TRPM6: variants seen among roughly 807,000 people sequenced by gnomAD.
TRPM6 encodes channel kinase 2.
TRPM6 carries 111 observed loss-of-function variants against 247.6 expected under a neutral mutation model. That is an observed-to-expected ratio of 0.45 (90% CI 0.38 to 0.52). TRPM6 has a LOEUF of 0.52. Among genes scored for constraint, TRPM6 ranks in the 20% least tolerant of loss-of-function variants. The pLI, the probability that TRPM6 is intolerant of heterozygous loss-of-function variation, is 0.00. For missense variants in TRPM6, 2,126 were observed against 2,421.5 expected, an observed-to-expected ratio of 0.88 and a Z score of 2.56; for synonymous variants, 892 against 853.8, an observed-to-expected ratio of 1.04 and a Z score of -0.78.
intron 1 of TRPM6, among the ~76,000 whole-genome samples, chr9:74,859,092 A>G (rs1830617823): frequency 6.6e-6 from 1 of 152,212 alleles, no homozygotes; most frequent in Non-Finnish European, 1.5e-5. Context: ...CCATAATCCT[A>G]TGGAATAAAT....
chr9:74,724,007 C>T lies in TRPM6; in HGVS notation c.*606G>A, dbSNP rs1354107823. The stretch of plus-strand genomic sequence containing the variant: ...ATCCAGGCATCATATGATTCACTGA[C>T]AATATCTGAAACCCATCGAGATTTC... On this transcript the variant is annotated 3_prime_UTR_variant, in exon 39 of 39. Coordinates refer to ENST00000360774, the MANE Select transcript of TRPM6 (RefSeq NM_017662.5). The T allele has an allele frequency of 2.0e-5, 3 of 151,482 alleles. No individual in the cohort carries two copies. Among genetic ancestry groups the T allele is most frequent in the East Asian group, 3.9e-4 (2 of 5,140 alleles). The allele number at this position is 151,482 out of a possible 1,614,324, so 9.4% of individuals were successfully genotyped here.
chr9:74,761,958 C>T, intron 26 of TRPM6, 41 bp downstream of exon 26: 3 of 1,597,860 alleles, frequency 1.9e-6, no homozygotes, highest in Non-Finnish European at 2.6e-6. Flanking sequence ...AGTAGCAATG[C>T]AAAGGACTTA....
At chr9:74,833,073 A>G (rs1362060262) in intron 6 of TRPM6, among the ~76,000 whole-genome samples, 1 of 152,170 alleles carries the variant, frequency 6.6e-6, no homozygotes, top group Admixed American at 6.5e-5. Flanking sequence ...AAAAAATTTA[A>G]AACAACCCAT....
intron 3 of TRPM6, among the ~76,000 whole-genome samples, chr9:74,853,270 G>A (rs1187560939): frequency 2.0e-5 from 3 of 151,556 alleles, no homozygotes; most frequent in African/African-American, 4.9e-5. Flanking sequence ...GCCCCGTCAG[G>A]GAAGTGAGGA....
At chr9:74,797,587 G>C (rs1490449749) in intron 17 of TRPM6, among the ~76,000 whole-genome samples, 1 of 151,908 alleles carries the variant, frequency 6.6e-6, no homozygotes, top group East Asian at 1.9e-4. Context: ...ATCTGAAGTT[G>C]ATTAAATCTG....
At chr9:74,739,227 G>A (rs537385803) in intron 35 of TRPM6, 140 bp downstream of exon 35, 59 of 878,716 alleles carry the variant, frequency 6.7e-5, no homozygotes, top group South Asian at 6.3e-4. Flanking sequence ...GCCAGTCTCC[G>A]AAATTATGGA....
intron 2 of TRPM6, among the ~76,000 whole-genome samples, chr9:74,857,038 A>G (rs1308428426): frequency 6.6e-6 from 1 of 151,900 alleles, no homozygotes; most frequent in African/African-American, 2.4e-5. Flanking sequence ...TTTTTTTTTG[A>G]GATTCAAGAT....
At chr9:74,776,332 T>C (rs1827221641) in intron 23 of TRPM6, among the ~76,000 whole-genome samples, 1 of 152,040 alleles carries the variant, frequency 6.6e-6, no homozygotes, top group African/African-American at 2.4e-5. Context: ...GCCAACATTT[T>C]CAGTGTAATG....
At chr9:74,778,422 G>A (rs936378608) in intron 23 of TRPM6, among the ~76,000 whole-genome samples, 3 of 152,228 alleles carry the variant, frequency 2.0e-5, no homozygotes, top group African/African-American at 2.4e-5. Flanking sequence ...CACCAACAGA[G>A]TTCTGTCCTA....
Position 74,821,840 on chromosome 9 carries a change from A to G in TRPM6, c.842-3T>C, listed in dbSNP as rs771761439. 8.7e-6 allele frequency: 14 copies of G among 1,613,920 alleles called. No homozygotes were observed. The highest frequency in any genetic ancestry group is 6.7e-5 in the African/African-American group (5 of 74,898). ...GACCGGCACGCCTTGTCTTGAGCCT[A>G]TTCCAGACCACAAACAATACCACAC... On this transcript the variant is annotated splice_polypyrimidine_tract_variant and splice_region_variant and intron_variant, in intron 7 of 38. Transcript: ENST00000360774.
At chr9:74,861,962 C>T (rs935547393) in intron 1 of TRPM6, among the ~76,000 whole-genome samples, 3 of 151,990 alleles carry the variant, frequency 2.0e-5, no homozygotes, top group African/African-American at 7.3e-5. Flanking sequence ...GAGCAACAAA[C>T]ATGCTGAAAA....
rs1827949827 is a variant in TRPM6, at chr9:74,792,711, A to G, written c.2451T>C (p.Gly817=). 1 of 1,613,872 alleles carries G rather than the reference A, an allele frequency of 6.2e-7. No homozygotes were observed. Among genetic ancestry groups the G allele is most frequent in the Admixed American group, 1.7e-5 (1 of 60,008 alleles). Residue 817 remains glycine, a synonymous_variant, in exon 19 of 39, where the codon GGT becomes GGC. Transcript: ENST00000360774. ...GAAGGTGTTGGTGCCCACTTTCCAA[A>G]CCAAAATGCTGATTTTCATCCAGTT... ...DEKLDENQHF[G]LESGHQHLPW...
chr9:74,822,739 G>A (rs1386841789), intron 7 of TRPM6, among the ~76,000 whole-genome samples: 1 of 151,920 alleles, frequency 6.6e-6, no homozygotes, highest in African/African-American at 2.4e-5. Context: ...TAAAGTAAGG[G>A]AGAAAGAACA....
Position 74,739,849 on chromosome 9 carries a change from G to A in TRPM6, c.5361C>T (p.Ser1787=), listed in dbSNP as rs1181693805. The change falls in exon 34 of 39, where the codon AGC becomes AGT. Residue 1787 remains serine (S), a synonymous_variant. Transcript: ENST00000360774. ...GGLRKAMRVV[S]TWSEDDILKP... ...TGAGAATGTCATCCTCAGACCAAGT[G>A]CTGACGACTCTCATAGCTTTACGGA... is the stretch of plus-strand genomic sequence containing the variant. 1.2e-6 allele frequency: 2 copies of A among 1,614,170 alleles called. No homozygotes were observed. The highest frequency in any genetic ancestry group is 3.3e-5 in the Admixed American group (2 of 60,018).
chr9:74,861,302 A>T (rs1052546246), intron 1 of TRPM6, among the ~76,000 whole-genome samples: 5 of 152,194 alleles, frequency 3.3e-5, no homozygotes, highest in African/African-American at 1.2e-4. Context: ...TGCAAACGAG[A>T]CAAAGTTCCT....
intron 9 of TRPM6, among the ~76,000 whole-genome samples, chr9:74,817,840 G>A (rs936456493): frequency 6.6e-6 from 1 of 152,114 alleles, no homozygotes; most frequent in African/African-American, 2.4e-5. Context: ...AAAAAGCCAA[G>A]ATTGGCAAGA....
intron 37 of TRPM6, among the ~76,000 whole-genome samples, chr9:74,731,884 A>C (rs891572962): frequency 6.6e-6 from 1 of 152,064 alleles, no homozygotes; most frequent in Non-Finnish European, 1.5e-5. Flanking sequence ...CCCCAAACCT[A>C]CTGAAGCAGA....
At chr9:74,806,053 C>T (rs1828515322) in intron 14 of TRPM6, among the ~76,000 whole-genome samples, 1 of 151,896 alleles carries the variant, frequency 6.6e-6, no homozygotes, top group African/African-American at 2.4e-5. Context: ...TTCCTAAGTA[C>T]ATTTCATTTA....
intron 19 of TRPM6, among the ~76,000 whole-genome samples, chr9:74,792,178 C>T (rs1055213615): frequency 3.9e-5 from 6 of 152,208 alleles, no homozygotes; most frequent in African/African-American, 1.2e-4. Flanking sequence ...TGAGGTTTTA[C>T]CACTTTTGTG....
Sources: gnomAD v4.1 joint callset for allele counts (sites outside exome capture counted in the v4.1 genomes callset) on GRCh38, gnomAD v4.1.1 for gene constraint, MANE v1.5 for transcripts, NCBI Gene and HGNC (gene_info 2026-07-23, HGNC 2026-07-21) for gene names.